SLC39A11: variants seen among roughly 807,000 people sequenced by gnomAD.
The protein encoded by SLC39A11 is solute carrier family 39 member 11, also known as zinc transporter ZIP11.
In SLC39A11, 33 loss-of-function variants were observed where a neutral mutation model predicts 36.1. The ratio of observed to expected loss-of-function variants is 0.91; its 90% confidence interval spans 0.69 to 1.22. The LOEUF is 1.22. Among genes scored for constraint, SLC39A11 ranks in the 50% most tolerant of loss-of-function variants. The pLI is 0.00. For synonymous variants in SLC39A11, 166 were observed against 170.3 expected (o/e 0.97, Z 0.20); for missense variants, 432 against 430.3 (o/e 1.00, Z -0.03).
At chr17:72,903,360 C>T (rs1159990405) in intron 5 of SLC39A11, among the ~76,000 whole-genome samples, 1 of 151,454 alleles carries the variant, frequency 6.6e-6, no homozygotes, top group African/African-American at 2.4e-5. Flanking sequence ...GGATCTTCAA[C>T]AACAAAAGCC....
At chr17:72,936,427 A>T (rs908441703) in intron 5 of SLC39A11, among the ~76,000 whole-genome samples, 1 of 147,224 alleles carries the variant, frequency 6.8e-6, no homozygotes, top group African/African-American at 2.6e-5. Flanking sequence ...AAAAAAAAAA[A>T]AAAAAAAAAA....
chr17:72,703,228 A>T (rs952199418), intron 7 of SLC39A11, among the ~76,000 whole-genome samples: 6 of 152,184 alleles, frequency 3.9e-5, no homozygotes, highest in African/African-American at 1.4e-4. Flanking sequence ...TGTGGGACTG[A>T]TGTGCTGGTG....
intron 7 of SLC39A11, among the ~76,000 whole-genome samples, chr17:72,715,552 A>T: frequency 6.6e-6 from 1 of 152,212 alleles, no homozygotes; most frequent in East Asian, 1.9e-4. Context: ...CAAAGGGACA[A>T]ATACTGTGTG....
At chr17:72,893,169 C>T (rs1358006162) in intron 5 of SLC39A11, among the ~76,000 whole-genome samples, 1 of 152,100 alleles carries the variant, frequency 6.6e-6, no homozygotes, top group African/African-American at 2.4e-5. Context: ...TGAATGAAAA[C>T]ATATGGACCA....
chr17:72,775,485 G>T (rs1432009352), intron 6 of SLC39A11, among the ~76,000 whole-genome samples: 1 of 152,202 alleles, frequency 6.6e-6, no homozygotes, highest in Admixed American at 6.5e-5. Context: ...TGACTGGGCT[G>T]CAAGGTAGAG....
chr17:72,836,856 T>TC (rs2078571651), intron 6 of SLC39A11, among the ~76,000 whole-genome samples: 1 of 152,004 alleles, frequency 6.6e-6, no homozygotes, highest in Non-Finnish European at 1.5e-5. Flanking sequence ...TGAGCCTGAG[T>TC]CGCCGGCTAC....
intron 5 of SLC39A11, among the ~76,000 whole-genome samples, chr17:72,946,282 T>C (rs942084600): frequency 6.6e-6 from 1 of 152,226 alleles, no homozygotes; most frequent in South Asian, 2.1e-4. Context: ...AAGCTCACAT[T>C]GGATGAAATT....
chr17:72,785,919 A>C (rs1431471160), intron 6 of SLC39A11, among the ~76,000 whole-genome samples: 1 of 151,594 alleles, frequency 6.6e-6, no homozygotes, highest in Non-Finnish European at 1.5e-5. Context: ...CTTGGCTAGA[A>C]ATGATCGTTT....
rs552691939 is a variant in SLC39A11 at position 72,646,632 on chromosome 17, C to T, written c.*952G>A. The T allele has an allele frequency of 6.6e-6, 1 of 152,624 alleles. No homozygotes were observed. The highest frequency in any genetic ancestry group is 2.4e-5 in the African/African-American group (1 of 41,452). The allele number at this position is 152,624 out of a possible 1,614,324, so 9.5% of individuals were successfully genotyped here. ...TTACCAAATGGTCAACAGGGAAGGA[C>T]CCACAGCAGATTCCAAAACTCTTTC... On this transcript the variant is annotated 3_prime_UTR_variant, in exon 10 of 10. Coordinates refer to ENST00000255559, the MANE Select transcript of SLC39A11 (RefSeq NM_139177.4).
chr17:72,736,033 T>C (rs574112364), intron 7 of SLC39A11, among the ~76,000 whole-genome samples: 3 of 152,090 alleles, frequency 2.0e-5, no homozygotes, highest in South Asian at 2.1e-4. Flanking sequence ...TGGAGAAATA[T>C]AGGAACATAT....
chr17:72,692,379 T>G (rs7501836), intron 7 of SLC39A11, among the ~76,000 whole-genome samples: 1 of 152,182 alleles, frequency 6.6e-6, no homozygotes, highest in Non-Finnish European at 1.5e-5. Flanking sequence ...TCTGTTTTCA[T>G]GCTGCTAATA....
chr17:72,866,046 G>C (rs2080285330), intron 5 of SLC39A11, among the ~76,000 whole-genome samples: 1 of 152,208 alleles, frequency 6.6e-6, no homozygotes, highest in African/African-American at 2.4e-5. Flanking sequence ...TCATGAACCA[G>C]TATCCGTCCA....
At chr17:72,796,167 C>T (rs2076889006) in intron 6 of SLC39A11, among the ~76,000 whole-genome samples, 1 of 152,144 alleles carries the variant, frequency 6.6e-6, no homozygotes, top group Admixed American at 6.5e-5. Flanking sequence ...CAGCAGGAAA[C>T]TCCTTAGACT....
intron 6 of SLC39A11, among the ~76,000 whole-genome samples, chr17:72,757,262 G>A (rs886514595): frequency 2.6e-5 from 4 of 152,156 alleles, no homozygotes; most frequent in African/African-American, 4.8e-5. Flanking sequence ...ACTCTTAGGG[G>A]TAAGAACAGG....
At chr17:73,034,064 A>G (rs1160705767) in intron 3 of SLC39A11, among the ~76,000 whole-genome samples, 1 of 152,182 alleles carries the variant, frequency 6.6e-6, no homozygotes, top group Non-Finnish European at 1.5e-5. Flanking sequence ...AGACCATCAA[A>G]GGAAATGTGA....
intron 3 of SLC39A11, among the ~76,000 whole-genome samples, chr17:73,070,410 C>T (rs2060127588): frequency 6.6e-6 from 1 of 152,210 alleles, no homozygotes; most frequent in Non-Finnish European, 1.5e-5. Context: ...AGCTCCAGGG[C>T]CCCATTCTTT....
chr17:72,730,399 T>C (rs1488496922), intron 7 of SLC39A11, among the ~76,000 whole-genome samples: 1 of 152,262 alleles, frequency 6.6e-6, no homozygotes, highest in Non-Finnish European at 1.5e-5. Flanking sequence ...CCGCTTTCTT[T>C]TGATTAGCGT....
intron 5 of SLC39A11, among the ~76,000 whole-genome samples, chr17:72,865,479 ACAT>A (rs2080257680): frequency 6.6e-6 from 1 of 151,606 alleles, no homozygotes. Flanking sequence ...TCTACTTTCT[ACAT>A]TGGCTAGAAA....
At chr17:72,796,703 C>T (rs2076906580) in intron 6 of SLC39A11, among the ~76,000 whole-genome samples, 1 of 152,188 alleles carries the variant, frequency 6.6e-6, no homozygotes, top group Non-Finnish European at 1.5e-5. Context: ...CCAGCAGCAT[C>T]ACCACCTCAA....
Sources: allele counts gnomAD v4.1 joint callset (sites outside exome capture counted in the v4.1 genomes callset), GRCh38; gene constraint gnomAD v4.1.1; transcripts MANE v1.5; gene names NCBI Gene and HGNC (gene_info 2026-07-23, HGNC 2026-07-21).